The following MTCL3 variants were observed in gnomAD, a reference collection of about 807,000 sequenced individuals.
MTCL3 encodes the protein microtubule cross-linking factor 3.
At chr6:127,481,867 T>C in the MTCL3 span, among the ~76,000 whole-genome samples, 1 of 152,170 alleles carries the variant, frequency 6.6e-6, no homozygotes, top group Non-Finnish European at 1.5e-5. Flanking sequence ...TGGCACAAGA[T>C]ACAGGTCATA....
the MTCL3 span, among the ~76,000 whole-genome samples, chr6:127,495,918 G>A: frequency 2.6e-4 from 39 of 152,170 alleles, no homozygotes; most frequent in African/African-American, 8.9e-4. Flanking sequence ...GCAACGCTGG[G>A]TTAAATTGAA....
the MTCL3 span, among the ~76,000 whole-genome samples, chr6:127,518,213 G>A: frequency 2.6e-5 from 4 of 152,218 alleles, no homozygotes; most frequent in Non-Finnish European, 5.9e-5. Context: ...ATCATCATGG[G>A]TGGCACTAAC....
chr6:127,501,542 G>A, the MTCL3 span, among the ~76,000 whole-genome samples: 1 of 152,122 alleles, frequency 6.6e-6, no homozygotes, highest in Non-Finnish European at 1.5e-5. Context: ...GTTACTTTGT[G>A]AAGGAAAGAA....
At chr6:127,494,295 G>T in the MTCL3 span, among the ~76,000 whole-genome samples, 6 of 152,080 alleles carry the variant, frequency 3.9e-5, no homozygotes, top group African/African-American at 1.2e-4. Context: ...AGGTACATCA[G>T]AAACTTAGAA....
the MTCL3 span, among the ~76,000 whole-genome samples, chr6:127,476,862 T>C: frequency 6.6e-5 from 10 of 152,260 alleles, no homozygotes; most frequent in Non-Finnish European, 1.2e-4. The surrounding 1 kb of genome is among the most constrained non-coding windows in gnomAD (Gnocchi z 4.4). Flanking sequence ...CGGCCACTTT[T>C]TTGTCACTTA....
chr6:127,484,073 A>G, the MTCL3 span, among the ~76,000 whole-genome samples: 1 of 152,228 alleles, frequency 6.6e-6, no homozygotes, highest in African/African-American at 2.4e-5. Flanking sequence ...ATGATATATG[A>G]ATACCAAATC....
the MTCL3 span, among the ~76,000 whole-genome samples, chr6:127,492,711 G>A: frequency 6.6e-6 from 1 of 152,002 alleles, no homozygotes; most frequent in Non-Finnish European, 1.5e-5. Context: ...TTTAGCAGAG[G>A]CAGGGTTTCA....
the MTCL3 span, among the ~76,000 whole-genome samples, chr6:127,498,166 G>T: frequency 6.6e-6 from 1 of 152,080 alleles, no homozygotes; most frequent in East Asian, 1.9e-4. Context: ...ACAAGCCTAA[G>T]AAGAAAACAT....
the MTCL3 span, chr6:127,514,857 C>T: frequency 3.1e-6 from 5 of 1,613,684 alleles, no homozygotes; most frequent in Admixed American, 1.7e-5. Context: ...CAACAGCTCC[C>T]CGTCGATTTC....
the MTCL3 span, among the ~76,000 whole-genome samples, chr6:127,503,733 T>C: frequency 6.6e-6 from 1 of 152,098 alleles, no homozygotes; most frequent in Non-Finnish European, 1.5e-5. Flanking sequence ...TGCTAGAAGT[T>C]TCTAGAAGGT....
the MTCL3 span, chr6:127,516,484 C>G: frequency 6.3e-7 from 1 of 1,599,646 alleles, no homozygotes; most frequent in South Asian, 1.1e-5. Flanking sequence ...GTCCCTCGGT[C>G]TAGCGGGTGA....
the MTCL3 span, among the ~76,000 whole-genome samples, chr6:127,493,279 G>A: frequency 6.6e-6 from 1 of 152,046 alleles, no homozygotes; most frequent in African/African-American, 2.4e-5. Context: ...TTAATTTAAG[G>A]ATTCGATTTT....
At chr6:127,475,719 C>G in the MTCL3 span, 1 of 1,587,796 alleles carries the variant, frequency 6.3e-7, no homozygotes. The surrounding 1 kb of genome is among the most constrained non-coding windows in gnomAD (Gnocchi z 7.3). Flanking sequence ...GCTTGCGGTG[C>G]GGAGGCCGCG....
At chr6:127,513,595 C>T in the MTCL3 span, among the ~76,000 whole-genome samples, 3 of 152,228 alleles carry the variant, frequency 2.0e-5, no homozygotes, top group East Asian at 3.9e-4. Context: ...AAGTTTTAGT[C>T]CTTGAGATTA....
chr6:127,473,277 A>G, the MTCL3 span: 2 of 1,516,084 alleles, frequency 1.3e-6, no homozygotes, highest in Admixed American at 5.3e-5. Context: ...AAATGATGAA[A>G]GATTTACAGT....
chr6:127,508,756 C>T, the MTCL3 span, among the ~76,000 whole-genome samples: 1 of 152,202 alleles, frequency 6.6e-6, no homozygotes, highest in East Asian at 1.9e-4. Context: ...AACACTTCAA[C>T]AAGCACCAGA....
the MTCL3 span, among the ~76,000 whole-genome samples, chr6:127,514,621 C>T: frequency 3.3e-5 from 5 of 152,228 alleles, no homozygotes; most frequent in Non-Finnish European, 7.4e-5. Flanking sequence ...CTGCCAGGCC[C>T]TCCACACACT....
the MTCL3 span, among the ~76,000 whole-genome samples, chr6:127,508,410 G>A: frequency 1.9e-4 from 29 of 152,184 alleles, no homozygotes; most frequent in Non-Finnish European, 3.4e-4. Context: ...AACCAGAGAC[G>A]CTGTTAAAAT....
At chr6:127,501,810 A>G in the MTCL3 span, among the ~76,000 whole-genome samples, 135 of 152,344 alleles carry the variant, frequency 8.9e-4, no homozygotes, top group Non-Finnish European at 1.5e-3. Context: ...GATAAAGATC[A>G]ATTTAACTGA....
Sources: allele counts gnomAD v4.1 joint callset (sites outside exome capture counted in the v4.1 genomes callset), GRCh38; gene constraint gnomAD v4.1.1; non-coding constraint Gnocchi (gnomAD v3.1); transcripts MANE v1.5; gene names NCBI Gene and HGNC (gene_info 2026-07-23, HGNC 2026-07-21).